Variants in SGIP1 observed in about 807,000 individuals in gnomAD.
SGIP1 encodes SH3-containing GRB2-like protein 3-interacting protein 1.
In SGIP1, 38 loss-of-function variants were observed where a neutral mutation model predicts 107.5. The ratio of observed to expected loss-of-function variants is 0.35; its 90% CI spans 0.27 to 0.46. SGIP1 has a LOEUF of 0.46. Ranked by LOEUF, SGIP1 falls within the 20% of genes least tolerant of loss-of-function variation. The probability of loss-of-function intolerance (pLI) is 1.00; values close to 1 mark genes in which losing one functional copy is unlikely to be tolerated. For missense variants in SGIP1, 929 were observed against 1,019.5 expected (o/e 0.91, Z 1.21); for synonymous variants, 365 against 366.1 (o/e 1.00, Z 0.03).
intron 19 of SGIP1, among the ~76,000 whole-genome samples, chr1:66,721,120 A>G (rs1037558295): frequency 4.6e-5 from 7 of 152,306 alleles, no homozygotes; most frequent in Middle Eastern, 3.4e-3. Flanking sequence ...TTTCTCTTTC[A>G]TCTTCAAAAC....
At position 66,660,405 on chromosome 1, in the gene SGIP1, A is replaced by G. The variant is rs2081232353; in HGVS notation, c.460-108A>G. ...CATTTATAAAAGCAGTGCCTTCGAG[A>G]GCTCCCTTAAGTAAGGTTATCCTGA... On this transcript the variant is annotated intron_variant, in intron 7 of 24. Transcript: ENST00000371037. 1.8e-5 allele frequency: 18 copies of G among 1,011,934 alleles called. No individual in the cohort carries two copies. The South Asian group carries it at 2.3e-4, about 13-fold the overall frequency. The allele number at this position is 1,011,934 out of a possible 1,614,324, so 62.7% of individuals were successfully genotyped here. A position where few individuals can be genotyped will look rare whatever the true frequency, so the allele number is the denominator to read the frequency against.
chr1:66,655,209 G>C (rs2079506544), intron 7 of SGIP1, among the ~76,000 whole-genome samples: 1 of 151,922 alleles, frequency 6.6e-6, no homozygotes, highest in Non-Finnish European at 1.5e-5. Context: ...TCATTGTCAA[G>C]ATTCCCCCAT....
At chr1:66,721,253 A>C (rs1359291436) in intron 19 of SGIP1, among the ~76,000 whole-genome samples, 1 of 152,192 alleles carries the variant, frequency 6.6e-6, no homozygotes. Flanking sequence ...TGCTTTATTC[A>C]TACGTATTTG....
At chr1:66,587,589 T>G (rs2062835620) in intron 1 of SGIP1, among the ~76,000 whole-genome samples, 1 of 152,136 alleles carries the variant, frequency 6.6e-6, no homozygotes, top group Non-Finnish European at 1.5e-5. Context: ...TCATAACAGA[T>G]TAGAATTAGG....
intron 17 of SGIP1, 89 bp downstream of exon 17, chr1:66,690,405 G>A: frequency 6.5e-7 from 1 of 1,540,364 alleles, no homozygotes; most frequent in Non-Finnish European, 8.8e-7. Context: ...TGTGTTTCTG[G>A]TTGAAATTGT....
chr1:66,583,334 G>A (rs1420398286), intron 1 of SGIP1, among the ~76,000 whole-genome samples: 4 of 152,062 alleles, frequency 2.6e-5, no homozygotes, highest in Admixed American at 2.6e-4. Context: ...ATTTTAAAGT[G>A]CTTATTATAA....
chr1:66,610,019 C>T (rs933389523), intron 1 of SGIP1, among the ~76,000 whole-genome samples: 1 of 151,984 alleles, frequency 6.6e-6, no homozygotes, highest in Non-Finnish European at 1.5e-5. Flanking sequence ...GAGCACTTAA[C>T]AGAAAATTTA....
At chr1:66,683,578 A>G (rs2087320551) in intron 15 of SGIP1, among the ~76,000 whole-genome samples, 1 of 152,014 alleles carries the variant, frequency 6.6e-6, no homozygotes, top group South Asian at 2.1e-4. Context: ...TTCCCCTCAA[A>G]AGGAAAACTA....
At chr1:66,707,493 T>C (rs1405533550) in intron 18 of SGIP1, among the ~76,000 whole-genome samples, 1 of 152,178 alleles carries the variant, frequency 6.6e-6, no homozygotes, top group Non-Finnish European at 1.5e-5. Context: ...CTGCATTAGC[T>C]TTCCAGAATT....
At chr1:66,676,959 G>A (rs768275070) in intron 12 of SGIP1, 45 bp from the exon 13 acceptor site, 1 of 1,500,810 alleles carries the variant, frequency 6.7e-7, no homozygotes, top group South Asian at 1.2e-5. Context: ...AAAGTATGGG[G>A]ATTTTTTTTA....
At chr1:66,559,813 G>T (rs74795988) in intron 1 of SGIP1, among the ~76,000 whole-genome samples, 52 of 152,076 alleles carry the variant, frequency 3.4e-4, no homozygotes, top group Non-Finnish European at 4.1e-4. Context: ...ATTTAGCCGG[G>T]GGGGTGGATG....
chr1:66,596,538 A>G (rs77145727), intron 1 of SGIP1, among the ~76,000 whole-genome samples: 78 of 152,118 alleles, frequency 5.1e-4, no homozygotes, highest in African/African-American at 1.9e-3. Context: ...AAAGGTGGAA[A>G]CAGATCAGAG....
chr1:66,589,208 A>ATGTGTGTGTGTGTGTGTGTGTG lies in SGIP1; in HGVS notation c.11-36638_11-36637insGTGTGTGTGTGTGTGTGTGTGT, dbSNP rs1453675527. The stretch of plus-strand genomic sequence containing the variant: ...TATATATATATATATATATATATAT[A>ATGTGTGTGTGTGTGTGTGTGTG]TATATATATGTAAGGCTTGGGGTAA... On this transcript the variant is annotated intron_variant, in intron 1 of 24. Transcript: ENST00000371037. 5.7e-5 allele frequency among the ~76,000 whole-genome samples: 5 copies of ATGTGTGTGTGTGTGTGTGTGTG among 87,524 alleles called. 1 individual carries two copies. Among genetic ancestry groups the ATGTGTGTGTGTGTGTGTGTGTG allele is most frequent in the Non-Finnish European group, 1.2e-4 (5 of 42,620 alleles). The allele number at this position is 87,524 out of a possible 152,430, so 57.4% of individuals were successfully genotyped here.
intron 18 of SGIP1, among the ~76,000 whole-genome samples, chr1:66,707,775 G>C (rs2092627105): frequency 6.6e-6 from 1 of 152,108 alleles, no homozygotes; most frequent in Non-Finnish European, 1.5e-5. Flanking sequence ...TAAGCCTGTA[G>C]ATTAGTGCTT....
intron 15 of SGIP1, among the ~76,000 whole-genome samples, 173 bp from the exon 16 acceptor site, chr1:66,688,974 AT>A (rs975161832): frequency 3.4e-5 from 5 of 148,842 alleles, no homozygotes; most frequent in African/African-American, 5.0e-5. Flanking sequence ...GAAATCATTA[AT>A]TTTTTTTCTT....
chr1:66,676,965 TTTTAACTCA>T, intron 12 of SGIP1, 30 bp from the exon 13 acceptor site: 1 of 1,540,562 alleles, frequency 6.5e-7, no homozygotes, highest in Non-Finnish European at 8.8e-7. Context: ...TGGGGATTTT[TTTTAACTCA>T]CCCTGGGAAA....
At chr1:66,590,569 T>C (rs1343820386) in intron 1 of SGIP1, 2 of 152,176 alleles carry the variant, frequency 1.3e-5, no homozygotes, top group African/African-American at 4.8e-5. Flanking sequence ...TCCAAGTAGC[T>C]TGCCAAAACT....
At chr1:66,580,924 G>A (rs765896860) in intron 1 of SGIP1, among the ~76,000 whole-genome samples, 1 of 152,050 alleles carries the variant, frequency 6.6e-6, no homozygotes, top group Non-Finnish European at 1.5e-5. Context: ...CTAACAACCA[G>A]CTGTTTCTAA....
At chr1:66,608,834 C>T (rs750831343) in intron 1 of SGIP1, among the ~76,000 whole-genome samples, 1 of 152,186 alleles carries the variant, frequency 6.6e-6, no homozygotes, top group South Asian at 2.1e-4. Context: ...TCTCACCTTT[C>T]CTTCTGCTTC....
Sources: allele counts gnomAD v4.1 joint callset (sites outside exome capture counted in the v4.1 genomes callset), GRCh38; gene constraint gnomAD v4.1.1; transcripts MANE v1.5; gene names NCBI Gene and HGNC (gene_info 2026-07-23, HGNC 2026-07-21).